Variants in SPATA31D1 observed in about 807,000 individuals in gnomAD.
SPATA31D1 encodes the protein spermatogenesis-associated protein 31D1.
A neutral mutation model predicts 13.2 loss-of-function variants in SPATA31D1; 6 were observed. That is an observed-to-expected ratio of 0.46 (90% CI 0.25 to 0.90). The LOEUF (loss-of-function observed/expected upper bound fraction) is 0.90, where lower values mean the gene tolerates loss of function less well. SPATA31D1 is among the 40% of genes least tolerant of loss of function. SPATA31D1 has a pLI of 0.18. For missense variants in SPATA31D1, 2,445 were observed against 1,884.7 expected (o/e 1.30, Z -5.50); for synonymous variants, 903 against 718.8 (o/e 1.26, Z -4.10).
At chr9:81,989,510 C>G (rs1824911385) in intron 1 of SPATA31D1, among the ~76,000 whole-genome samples, 2 of 152,154 alleles carry the variant, frequency 1.3e-5, no homozygotes, top group African/African-American at 4.8e-5. Flanking sequence ...TGACTGTTGA[C>G]CTCTGAGTCT....
rs758289804 is a variant in SPATA31D1 at position 81,992,357 on chromosome 9, G to A, written c.1887G>A (p.Leu629=). 3 of 1,613,808 alleles carry A rather than the reference G, an allele frequency of 1.9e-6. No individual in the cohort carries two copies. The highest frequency in any genetic ancestry group is 2.5e-6 in the Non-Finnish European group (3 of 1,179,744). The change falls in exon 4 of 4, where the codon TTG becomes TTA. Residue 629 remains leucine (L), a synonymous_variant. Coordinates refer to ENST00000344803, the MANE Select transcript of SPATA31D1 (RefSeq NM_001001670.3). ...SEINHLEWNV[L]QKVQESLWGL... is the part of the protein sequence containing the mutation. ...TTAACCATCTGGAGTGGAACGTGTT[G>A]CAGAAAGTGCAGGAAAGTTTGTGGG...
Position 81,992,690 on chromosome 9 carries a change from G to C in SPATA31D1, c.2220G>C (p.Gln740His), listed in dbSNP as rs1452492185. Residue 740 changes from glutamine (Q) to histidine (H), a missense_variant, in exon 4 of 4, where the codon CAG (glutamine) becomes CAC (histidine). Physicochemically the swap from Gln to His is conservative, Grantham distance 24. Coordinates refer to ENST00000344803, the MANE Select transcript of SPATA31D1 (RefSeq NM_001001670.3). ...GPLNISLVEG[Q>H]RCNVLKKSAS... ...TAAATATCTCTTTGGTTGAGGGTCA[G>C]AGGTGCAATGTTCTAAAGAAGTCCG... 1 of 1,613,838 alleles carries C rather than the reference G, an allele frequency of 6.2e-7. No individual in the cohort carries two copies. The highest frequency in any genetic ancestry group is 8.5e-7 in the Non-Finnish European group (1 of 1,179,734).
chr9:81,990,942 C>G lies in SPATA31D1; in HGVS notation c.472C>G (p.Pro158Ala). The stretch of plus-strand genomic sequence containing the variant: ...GAAAGATGCTGCTCCCTCTGTGTCC[C>G]CTTTGGCTTCTTCGGCTTCTGCGAC... Reference protein sequence around the residue: ...SLKDAAPSVSPLASSASATES... With the variant: ...SLKDAAPSVSALASSASATES... The change falls in exon 4 of 4, where the codon CCT becomes GCT. Residue 158 changes from proline (P) to alanine (A), a missense_variant. By Grantham distance (27) the Pro-to-Ala change is conservative (BLOSUM62 -1). Coordinates refer to ENST00000344803, the MANE Select transcript of SPATA31D1 (RefSeq NM_001001670.3). 6.2e-7 allele frequency: 1 copy of G among 1,613,940 alleles called. No homozygotes were observed. Among genetic ancestry groups the G allele is most frequent in the African/African-American group, 1.3e-5 (1 of 75,030 alleles).
chr9:81,990,391 T>A, intron 2 of SPATA31D1, 26 bp from the exon 3 acceptor site: 1 of 1,566,040 alleles, frequency 6.4e-7, no homozygotes, highest in African/African-American at 1.4e-5. Context: ...TGCCTCTATC[T>A]TCATTGCATA....
chr9:81,991,643 G>A lies in SPATA31D1; in HGVS notation c.1173G>A (p.Gly391=), dbSNP rs1222235321. Residue 391 remains glycine (G), a synonymous_variant, in exon 4 of 4, where the codon GGG becomes GGA. Coordinates refer to ENST00000344803, the MANE Select transcript of SPATA31D1 (RefSeq NM_001001670.3). ...LTLHSSEAFL[G]GHSVANLIEP... ...TTCATTCTTCTGAGGCCTTTTTAGG[G>A]GGGCACTCTGTGGCCAACCTCATAG... is the stretch of plus-strand genomic sequence containing the variant. 6.2e-7 allele frequency: 1 copy of A among 1,613,774 alleles called. No individual in the cohort carries two copies. Among genetic ancestry groups the A allele is most frequent in the African/African-American group, 1.3e-5 (1 of 74,876 alleles).
rs764880752 is a variant in SPATA31D1, at chr9:81,990,847, C to A, written c.377C>A (p.Pro126Gln). The change falls in exon 4 of 4, where the codon CCA (proline) becomes CAA (glutamine). Residue 126 changes from proline to glutamine, a missense_variant. Pro to Gln is a moderately conservative substitution (Grantham distance 76, BLOSUM62 -1). Transcript: ENST00000344803. ...AACCACTTTCGTCGACTGTTATGCC[C>A]AGACCCCGTCTGTCGGGTGTGTAAG... The part of the protein sequence containing the change: ...DTNHFRRLLC[P>Q]DPVCRVCKRA... The A allele has an allele frequency of 2.2e-5, 36 of 1,613,934 alleles. No individual in the cohort carries two copies. The highest frequency in any genetic ancestry group is 3.0e-5 in the Non-Finnish European group (35 of 1,179,874).
chr9:81,990,266 CAT>C (rs1210888881), intron 2 of SPATA31D1, 149 bp from the exon 3 acceptor site: 1 of 611,108 alleles, frequency 1.6e-6, no homozygotes, highest in Non-Finnish European at 2.9e-6. Context: ...GCCACATACA[CAT>C]GTGAACTTGT....
intron 2 of SPATA31D1, 62 bp downstream of exon 2, chr9:81,989,885 C>G: frequency 1.1e-5 from 17 of 1,555,984 alleles, no homozygotes; most frequent in Non-Finnish European, 1.5e-5. Context: ...TTCATGATGA[C>G]TCAGTCCCAT....
rs778060810 is a variant in SPATA31D1 at position 81,991,539 on chromosome 9, A to T, written c.1069A>T (p.Thr357Ser). The change falls in exon 4 of 4, where the codon ACC becomes TCC. Residue 357 changes from threonine to serine, a missense_variant. Coordinates refer to ENST00000344803, the MANE Select transcript of SPATA31D1 (RefSeq NM_001001670.3). ...DHSHLASSEF[T>S]WWQPHAKDSF... Reference sequence around the variant, plus strand: ...TTCACACCTTGCATCTTCAGAATTCACCTGGTGGCAGCCTCATGCCAAGGA... The same window carrying T: ...TTCACACCTTGCATCTTCAGAATTCTCCTGGTGGCAGCCTCATGCCAAGGA... 42 of 1,613,760 alleles carry T rather than the reference A, an allele frequency of 2.6e-5. No homozygotes were observed. The highest frequency in any genetic ancestry group is 5.3e-5 in the African/African-American group (4 of 74,856).
At position 81,991,594 on chromosome 9, in the gene SPATA31D1, AT is replaced by A; in HGVS notation, c.1127del (p.Phe376SerfsTer15). 6.2e-7 allele frequency: 1 copy of A among 1,613,842 alleles called. No homozygotes were observed. The highest frequency in any genetic ancestry group is 8.5e-7 in the Non-Finnish European group (1 of 1,179,872). ...TTTTCCTCTAATTTTGTGCCATCTG[AT>A]TTCATGGAGGAGCTTCTTACCCTTC... ...DSFSSNFVPS[D>X]FMEELLTLHS... On this transcript the variant is annotated frameshift_variant, in exon 4 of 4. Coordinates refer to ENST00000344803, the MANE Select transcript of SPATA31D1 (RefSeq NM_001001670.3). LOFTEE classifies it low-confidence loss of function (END_TRUNC).
Position 81,994,180 on chromosome 9 carries a change from T to C in SPATA31D1, c.3710T>C (p.Leu1237Ser), listed in dbSNP as rs762599626. The part of the protein sequence containing the change: ...FALDNLSSKD[L>S]LTNSQGISSG... ...TTAGATAACTTGAGTTCCAAGGACTTACTGACTAATTCCCAGGGCATCTCG... is the reference window on the plus strand; with the variant it reads ...TTAGATAACTTGAGTTCCAAGGACTCACTGACTAATTCCCAGGGCATCTCG... Residue 1237 changes from leucine (L) to serine (S), a missense_variant, in exon 4 of 4, where the codon TTA becomes TCA. By Grantham distance (145) the Leu-to-Ser change is moderately radical. Transcript: ENST00000344803. 1.9e-6 allele frequency: 3 copies of C among 1,614,032 alleles called. No individual in the cohort carries two copies. The highest frequency in any genetic ancestry group is 2.2e-5 in the South Asian group (2 of 91,086).
chr9:81,995,032 G>A lies in SPATA31D1; in HGVS notation c.4562G>A (p.Arg1521Lys). ...AGCCATCCCCAATCCATGCCCCACA[G>A]GAAGCCTGTGCCACATCCAAACCCC... The part of the protein sequence containing the change: ...CQSHPQSMPH[R>K]KPVPHPNPTC... The change falls in exon 4 of 4, where the codon AGG becomes AAG. Residue 1521 changes from arginine to lysine, a missense_variant. By Grantham distance (26) the Arg-to-Lys change is conservative. Coordinates refer to ENST00000344803, the MANE Select transcript of SPATA31D1 (RefSeq NM_001001670.3). 1 of 1,613,922 alleles carries A rather than the reference G, an allele frequency of 6.2e-7. No homozygotes were observed. Among genetic ancestry groups the A allele is most frequent in the Non-Finnish European group, 8.5e-7 (1 of 1,179,848 alleles).
chr9:81,994,087 G>A lies in SPATA31D1; in HGVS notation c.3617G>A (p.Ser1206Asn), dbSNP rs372944755. The change falls in exon 4 of 4, where the codon AGC (serine) becomes AAC (asparagine). Residue 1206 changes from serine (S) to asparagine (N), a missense_variant. By Grantham distance (46) the Ser-to-Asn change is conservative (BLOSUM62 1). Coordinates refer to ENST00000344803, the MANE Select transcript of SPATA31D1 (RefSeq NM_001001670.3). ...KSSYLKNQML[S>N]QLKLVQRKHS... ...TCATACCTTAAAAATCAGATGTTGAGCCAGTTAAAGTTGGTCCAGAGGAAG... is the reference window on the plus strand; with the variant it reads ...TCATACCTTAAAAATCAGATGTTGAACCAGTTAAAGTTGGTCCAGAGGAAG... 5 of 1,613,858 alleles carry A rather than the reference G, an allele frequency of 3.1e-6. No individual in the cohort carries two copies. Among genetic ancestry groups the A allele is most frequent in the East Asian group, 2.2e-5 (1 of 44,880 alleles).
chr9:81,988,083 A>T (rs189062140), upstream of SPATA31D1, among the ~76,000 whole-genome samples: 1 of 152,316 alleles, frequency 6.6e-6, no homozygotes, highest in East Asian at 1.9e-4. Flanking sequence ...AACTTTTTCT[A>T]ATAAAATGAC....
chr9:81,989,706 AT>A, intron 1 of SPATA31D1, 71 bp from the exon 2 acceptor site: 2 of 1,471,730 alleles, frequency 1.4e-6, no homozygotes, highest in African/African-American at 1.4e-5. Flanking sequence ...GAATGAATGA[AT>A]GAATGAATGA....
Position 81,993,778 on chromosome 9 carries a change from A to C in SPATA31D1, c.3308A>C (p.Lys1103Thr). The change falls in exon 4 of 4, where the codon AAA becomes ACA. Residue 1103 changes from lysine to threonine, a missense_variant. Transcript: ENST00000344803. ...PHSIVDEVSQ[K>T]QTVLASRCSA... ...AGCATCGTAGACGAAGTCAGTCAGA[A>C]ACAGACTGTACTGGCCAGTAGATGC... 6.2e-7 allele frequency: 1 copy of C among 1,614,022 alleles called. No homozygotes were observed. Among genetic ancestry groups the C allele is most frequent in the South Asian group, 1.1e-5 (1 of 91,088 alleles).
Position 81,992,954 on chromosome 9 carries a change from T to C in SPATA31D1, c.2484T>C (p.Asn828=). The C allele has an allele frequency of 6.2e-7, 1 of 1,613,734 alleles. No individual in the cohort carries two copies. Among genetic ancestry groups the C allele is most frequent in the Non-Finnish European group, 8.5e-7 (1 of 1,179,716 alleles). The part of the protein sequence containing the change: ...GVRLGQKQLE[N]ALTVRLSKKF... The stretch of plus-strand genomic sequence containing the variant: ...GACTAGGTCAGAAACAACTTGAAAA[T>C]GCCCTGACAGTACGTTTGAGCAAGA... The change falls in exon 4 of 4, where the codon AAT becomes AAC. Residue 828 remains asparagine, a synonymous_variant. Transcript: ENST00000344803.
At position 81,995,158 on chromosome 9, in the gene SPATA31D1, T is replaced by C. The variant is rs1260562542; in HGVS notation, c.4688T>C (p.Leu1563Pro). Residue 1563 changes from leucine (L) to proline (P), a missense_variant, in exon 4 of 4, where the codon CTT becomes CCT. Physicochemically the swap from Leu to Pro is moderately conservative, Grantham distance 98. Coordinates refer to ENST00000344803, the MANE Select transcript of SPATA31D1 (RefSeq NM_001001670.3). Reference sequence around the variant, plus strand: ...CCTTTCCTAACTGGACAGAAAATGCTTCCAAAGCATTTACAGGGAGGAAAA... The same window carrying C: ...CCTTTCCTAACTGGACAGAAAATGCCTCCAAAGCATTTACAGGGAGGAAAA... ...DVPFLTGQKM[L>P]PKHLQGGKFP... 1 of 1,573,488 alleles carries C rather than the reference T, an allele frequency of 6.4e-7. No homozygotes were observed. Among genetic ancestry groups the C allele is most frequent in the Admixed American group, 1.9e-5 (1 of 53,642 alleles).
Position 81,993,299 on chromosome 9 carries a change from C to A in SPATA31D1, c.2829C>A (p.Asp943Glu). 6.2e-7 allele frequency: 1 copy of A among 1,613,976 alleles called. No individual in the cohort carries two copies. Among genetic ancestry groups the A allele is most frequent in the Admixed American group, 1.7e-5 (1 of 60,026 alleles). Reference protein sequence around the residue: ...ADLSTSFSHFDLPSSATFISQ... With the variant: ...ADLSTSFSHFELPSSATFISQ... ...TTTCCACTTCCTTTTCCCATTTCGACCTTCCCTCCTCAGCCACCTTCATCT... is the reference window on the plus strand; with the variant it reads ...TTTCCACTTCCTTTTCCCATTTCGAACTTCCCTCCTCAGCCACCTTCATCT... Residue 943 changes from aspartate (D) to glutamate (E), a missense_variant, in exon 4 of 4, where the codon GAC becomes GAA. Transcript: ENST00000344803.
Sources: gnomAD v4.1 joint callset for allele counts (sites outside exome capture counted in the v4.1 genomes callset) on GRCh38, gnomAD v4.1.1 for gene constraint, MANE v1.5 for transcripts, NCBI Gene and HGNC (gene_info 2026-07-23, HGNC 2026-07-21) for gene names.